Variants in HADHA observed in about 807,000 individuals in gnomAD.
The protein encoded by HADHA is trifunctional enzyme subunit alpha, mitochondrial.
In HADHA, 59 loss-of-function variants were observed where a neutral mutation model predicts 91.3. The ratio of observed to expected loss-of-function variants is 0.65; its 90% CI spans 0.52 to 0.80. The LOEUF is 0.80. Among genes scored for constraint, HADHA ranks in the 30% least tolerant of loss-of-function variants. HADHA has a pLI of 0.00. For missense variants in HADHA, 800 were observed against 927.6 expected, an observed-to-expected ratio of 0.86 and a Z score of 1.79; for synonymous variants, 320 against 338.9, an observed-to-expected ratio of 0.94 and a Z score of 0.61.
Position 26,195,006 on chromosome 2 carries a change from A to C in HADHA, c.1620+86T>G, listed in dbSNP as rs969196745. 2.6e-6 allele frequency: 3 copies of C among 1,148,048 alleles called. No homozygotes were observed. In the African/African-American group the frequency reaches 4.6e-5, roughly 17 times the overall value. The allele number at this position is 1,148,048 out of a possible 1,614,324, so 71.1% of individuals were successfully genotyped here. A position where few individuals can be genotyped will look rare whatever the true frequency, so the allele number is the denominator to read the frequency against. On this transcript the variant is annotated intron_variant, in intron 15 of 19. Coordinates refer to ENST00000380649, the MANE Select transcript of HADHA (RefSeq NM_000182.5). ...ATATCAAAGTCTGGTCATTTGCCCC[A>C]GAATATTTATAAACAAGCCTGGAGG...
Position 26,232,288 on chromosome 2 carries a change from A to G in HADHA, c.454-9T>C, listed in dbSNP as rs761629163. On this transcript the variant is annotated splice_polypyrimidine_tract_variant and intron_variant, in intron 5 of 19. Coordinates refer to ENST00000380649, the MANE Select transcript of HADHA (RefSeq NM_000182.5). ...TGGCATGAAATGGCAACCTTTGAAC[A>G]AATGAAAGAAAATTAGAATGTTAGA... The G allele has an allele frequency of 6.3e-7, 1 of 1,583,918 alleles. No homozygotes were observed. Among genetic ancestry groups the G allele is most frequent in the South Asian group, 1.1e-5 (1 of 90,384 alleles).
Position 26,227,017 on chromosome 2 carries a change from G to A in HADHA, c.676+3175C>T, listed in dbSNP as rs565199070. 1.2e-4 allele frequency among the ~76,000 whole-genome samples: 19 copies of A among 152,280 alleles called. No homozygotes were observed. In the East Asian group the frequency reaches 3.1e-3, roughly 25 times the overall value. On this transcript the variant is annotated intron_variant, in intron 7 of 19. Transcript: ENST00000380649. ...ATAGTGAAAAGATAAGCCAGAGACT[G>A]TGAGGAAATATTTGCAAATCATATA...
intron 11 of HADHA, 71 bp from the exon 12 acceptor site, chr2:26,204,267 TAA>T: frequency 7.1e-7 from 1 of 1,416,210 alleles, no homozygotes; most frequent in East Asian, 2.3e-5. Context: ...GAAGATTGCC[TAA>T]GTTATTCAAT....
intron 7 of HADHA, among the ~76,000 whole-genome samples, chr2:26,225,457 T>A (rs936798127): frequency 6.6e-6 from 1 of 151,100 alleles, no homozygotes; most frequent in African/African-American, 2.4e-5. Context: ...GCCAGCATTA[T>A]CCTGATGCCA....
chr2:26,223,914 T>C (rs923168740), intron 7 of HADHA, among the ~76,000 whole-genome samples: 5 of 152,102 alleles, frequency 3.3e-5, no homozygotes, highest in African/African-American at 1.2e-4. Context: ...GCCTGGCTAA[T>C]TTTCGTATTT....
chr2:26,197,995 A>T (rs764119897), intron 13 of HADHA, among the ~76,000 whole-genome samples: 14 of 152,146 alleles, frequency 9.2e-5, no homozygotes, highest in Non-Finnish European at 1.9e-4. Context: ...GCCTTCCTCT[A>T]GTTATGGCCC....
intron 7 of HADHA, among the ~76,000 whole-genome samples, chr2:26,217,858 G>T (rs1409732206): frequency 1.3e-5 from 2 of 152,118 alleles, no homozygotes; most frequent in African/African-American, 4.8e-5. Context: ...AGTGAGTTAT[G>T]ATCATACCAC....
chr2:26,202,328 T>G (rs374368681), intron 12 of HADHA, among the ~76,000 whole-genome samples: 32 of 152,254 alleles, frequency 2.1e-4, no homozygotes, highest in African/African-American at 7.7e-4. Flanking sequence ...GACCACACTT[T>G]CAGAATAAAT....
chr2:26,211,212 T>A (rs1558322096), intron 10 of HADHA, among the ~76,000 whole-genome samples: 2 of 152,198 alleles, frequency 1.3e-5, no homozygotes, highest in African/African-American at 2.4e-5. Flanking sequence ...TTCGTGAAAC[T>A]TATTCCTCAA....
chr2:26,212,341 C>A (rs1194191467), intron 10 of HADHA: 3 of 530,580 alleles, frequency 5.7e-6, no homozygotes, highest in South Asian at 2.0e-5. Flanking sequence ...CCCACCTCGG[C>A]CTCCCAGAAT....
chr2:26,236,125 G>A (rs1215859658), intron 4 of HADHA, among the ~76,000 whole-genome samples: 3 of 152,032 alleles, frequency 2.0e-5, no homozygotes, highest in Non-Finnish European at 4.4e-5. Flanking sequence ...TTAACCTTAT[G>A]TTTTTGAGTT....
intron 13 of HADHA, among the ~76,000 whole-genome samples, chr2:26,200,574 C>G (rs73920252): frequency 8.1e-4 from 123 of 152,298 alleles, no homozygotes; most frequent in Middle Eastern, 3.4e-3. Flanking sequence ...AAGCATCTGG[C>G]TATACTCTGT....
At chr2:26,234,101 A>G in intron 5 of HADHA, 116 bp downstream of exon 5, 1 of 1,038,568 alleles carries the variant, frequency 9.6e-7, no homozygotes. Flanking sequence ...AACAAAAAAC[A>G]AAGCGGATTC....
In HADHA at chr2:26,201,173, G is replaced by T; in HGVS notation, c.1368C>A (p.His456Gln). ...CCGCTTCTACTTCCTTTAGCACTCT[G>T]TGCTTAAGACTAAGGTCCTCAAACA... ...EAVFEDLSLK[H>Q]RVLKEVEAVI... The change falls in exon 13 of 20, where the codon CAC becomes CAA. Residue 456 changes from histidine (H) to glutamine (Q), a missense_variant. By Grantham distance (24) the His-to-Gln change is conservative. Coordinates refer to ENST00000380649, the MANE Select transcript of HADHA (RefSeq NM_000182.5). The T allele has an allele frequency of 1.2e-6, 2 of 1,613,732 alleles. No individual in the cohort carries two copies. Among genetic ancestry groups the T allele is most frequent in the Non-Finnish European group, 8.5e-7 (1 of 1,179,646 alleles).
chr2:26,201,048 T>C (rs1389887659), intron 13 of HADHA, 101 bp downstream of exon 13: 3 of 904,302 alleles, frequency 3.3e-6, no homozygotes, highest in Non-Finnish European at 5.4e-6. Context: ...TAGTCCTTTT[T>C]ATAAAAGCAA....
intron 3 of HADHA, among the ~76,000 whole-genome samples, chr2:26,238,643 A>T (rs1320667637): frequency 2.0e-5 from 3 of 152,188 alleles, no homozygotes; most frequent in African/African-American, 7.2e-5. Flanking sequence ...CTTATAAACA[A>T]AGCTTGTACT....
At position 26,194,552 on chromosome 2, in the gene HADHA, C is replaced by G; in HGVS notation, c.1689+18G>C. The G allele has an allele frequency of 6.5e-7, 1 of 1,533,858 alleles. No homozygotes were observed. The highest frequency in any genetic ancestry group is 1.1e-5 in the South Asian group (1 of 89,504). ...AGGAGTGGAAGATGCCGCAAACACTCTGGAGAGCAATACCAACCTGGAGGA... is the reference window on the plus strand; with the variant it reads ...AGGAGTGGAAGATGCCGCAAACACTGTGGAGAGCAATACCAACCTGGAGGA... On this transcript the variant is annotated intron_variant, in intron 16 of 19. Transcript: ENST00000380649.
rs575179009 is a variant in HADHA at position 26,231,029 on chromosome 2, C to G, written c.574-735G>C. ...AATTTTAAGCTTAACAAAAATAGAA[C>G]TCAGCTAGGGCTGCTTATATGGCAT... On this transcript the variant is annotated intron_variant, in intron 6 of 19. Coordinates refer to ENST00000380649, the MANE Select transcript of HADHA (RefSeq NM_000182.5). Among the ~76,000 whole-genome samples the G allele has an allele frequency of 7.9e-5, 12 of 151,938 alleles. No individual in the cohort carries two copies. In the East Asian group the frequency reaches 2.3e-3, roughly 29 times the overall value.
At position 26,192,320 on chromosome 2, in the gene HADHA, T is replaced by C. The variant is rs755891307; in HGVS notation, c.1990A>G (p.Lys664Glu). The change falls in exon 18 of 20, where the codon AAG (lysine) becomes GAG (glutamate). Residue 664 changes from lysine (K) to glutamate (E), a missense_variant. Transcript: ENST00000380649. ...SILASLKLPP[K>E]SEVSSDEDIQ... ...CTCAAACGGACTTACACTTCAGACTTAGGAGGCAGCTTCAGACTCGCTAAA... is the reference window on the plus strand; with the variant it reads ...CTCAAACGGACTTACACTTCAGACTCAGGAGGCAGCTTCAGACTCGCTAAA... 1.9e-6 allele frequency: 3 copies of C among 1,566,624 alleles called. No homozygotes were observed. Among genetic ancestry groups the C allele is most frequent in the Non-Finnish European group, 2.6e-6 (3 of 1,136,734 alleles).
Sources: allele counts gnomAD v4.1 joint callset (sites outside exome capture counted in the v4.1 genomes callset), GRCh38; gene constraint gnomAD v4.1.1; transcripts MANE v1.5; gene names NCBI Gene and HGNC (gene_info 2026-07-23, HGNC 2026-07-21).